The following ATP6V0A1 variants were observed in gnomAD, a reference collection of about 807,000 sequenced individuals.
ATP6V0A1 encodes the protein V-type proton ATPase 116 kDa subunit a 1.
In ATP6V0A1, 43 loss-of-function variants were observed where a neutral mutation model predicts 105.4. The ratio of observed to expected loss-of-function variants is 0.41; its 90% confidence interval spans 0.32 to 0.53. The LOEUF (loss-of-function observed/expected upper bound fraction) is 0.53. ATP6V0A1 is among the 20% of genes least tolerant of loss of function. The pLI is 0.30. For synonymous variants in ATP6V0A1, 362 were observed against 372.8 expected (o/e 0.97, Z 0.33); for missense variants, 676 against 1,051.1 (o/e 0.64, Z 4.93).
chr17:42,472,450 C>T lies in ATP6V0A1; in HGVS notation c.423+2232C>T, dbSNP rs187158504. 3.3e-3 allele frequency among the ~76,000 whole-genome samples: 502 copies of T among 151,850 alleles called. 2 individuals carry two copies. Among genetic ancestry groups the T allele is most frequent in the African/African-American group, 0.012 (483 of 41,408 alleles). On this transcript the variant is annotated intron_variant, in intron 5 of 21. Coordinates refer to ENST00000343619, the MANE Select transcript of ATP6V0A1 (RefSeq NM_001130021.3). ...TATTTTTTATTGTTTTTAGGCCGGG[C>T]GCGGTGGCTAACGCCTATAATCCCA... is the stretch of plus-strand genomic sequence containing the variant.
Position 42,477,819 on chromosome 17 carries a change from G to A in ATP6V0A1, c.506+77G>A, listed in dbSNP as rs2088949261. ...CTGTTCAGAAGAGCAGTGAGACTGG[G>A]GATTCACTTGCTACCAGGATATGCC... On this transcript the variant is annotated intron_variant, in intron 6 of 21. Transcript: ENST00000343619. 21 of 1,193,576 alleles carry A rather than the reference G, an allele frequency of 1.8e-5. No homozygotes were observed. The South Asian group carries it at 2.8e-4, about 16-fold the overall frequency. 73.9% of individuals were successfully genotyped at this position (1,193,576 alleles called of 1,614,324 possible).
Position 42,487,181 on chromosome 17 carries a change from C to T in ATP6V0A1, c.837C>T (p.Arg279=). Residue 279 remains arginine, a synonymous_variant, in exon 10 of 22, where the codon CGC becomes CGT. Coordinates refer to ENST00000343619, the MANE Select transcript of ATP6V0A1 (RefSeq NM_001130021.3). ...TTCTGAATCAAACGGAGGATCACCG[C>T]CAGAGGGTTCTGCAGGCAGCTGCTA... is the stretch of plus-strand genomic sequence containing the variant. The part of the protein sequence containing the change: ...QMVLNQTEDH[R]QRVLQAAAKN... 6.2e-7 allele frequency: 1 copy of T among 1,614,174 alleles called. No individual in the cohort carries two copies. Among genetic ancestry groups the T allele is most frequent in the Non-Finnish European group, 8.5e-7 (1 of 1,180,034 alleles).
At chr17:42,499,655 G>T (rs1409931098) in intron 15 of ATP6V0A1, among the ~76,000 whole-genome samples, 1 of 151,190 alleles carries the variant, frequency 6.6e-6, no homozygotes, top group Non-Finnish European at 1.5e-5. Flanking sequence ...GGGTGTGGTG[G>T]CGTGCACCTG....
chr17:42,508,314 T>C (rs2092151054), intron 18 of ATP6V0A1, among the ~76,000 whole-genome samples: 1 of 152,266 alleles, frequency 6.6e-6, no homozygotes, highest in Non-Finnish European at 1.5e-5. Context: ...TTTCAGTCTG[T>C]CTGACCACTT....
chr17:42,501,324 TAA>T lies in ATP6V0A1; in HGVS notation c.2004+23_2004+24del, dbSNP rs1211904574. ...CATTTGGTAGGTGTATTTCTATTGC[TAA>T]AAGTTACTAGACTTTTGTTTTGTTC... On this transcript the variant is annotated intron_variant, in intron 17 of 21. Transcript: ENST00000343619. The T allele has an allele frequency of 6.3e-7, 1 of 1,575,882 alleles. No homozygotes were observed. The highest frequency in any genetic ancestry group is 8.7e-7 in the Non-Finnish European group (1 of 1,148,382).
In ATP6V0A1 at chr17:42,507,702, ACTC is replaced by A. The variant is rs759428152; in HGVS notation, c.2112+77_2112+79del. 56 of 1,171,834 alleles carry A rather than the reference ACTC, an allele frequency of 4.8e-5. 1 individual carries two copies. The South Asian group carries it at 6.7e-4, about 14-fold the overall frequency. 72.6% of individuals were successfully genotyped at this position (1,171,834 alleles called of 1,614,324 possible). On this transcript the variant is annotated intron_variant, in intron 18 of 21. Coordinates refer to ENST00000343619, the MANE Select transcript of ATP6V0A1 (RefSeq NM_001130021.3). The stretch of plus-strand genomic sequence containing the variant: ...TAGTCTTGTGTACCTAAGAGGCCTC[ACTC>A]CAGTCTTCTCCTTGAAAAATAAAAA...
At chr17:42,520,455 T>C (rs1247770989) in intron 21 of ATP6V0A1, 2 of 456,522 alleles carry the variant, frequency 4.4e-6, no homozygotes, top group Non-Finnish European at 8.8e-6. Flanking sequence ...AAGAATTCTT[T>C]CTCAGATGTT....
chr17:42,483,803 A>G (rs2145886263), intron 9 of ATP6V0A1, among the ~76,000 whole-genome samples: 1 of 152,274 alleles, frequency 6.6e-6, no homozygotes, highest in Middle Eastern at 3.4e-3. Flanking sequence ...GCTGGTCTCA[A>G]ACGCCTGACC....
At chr17:42,506,657 G>A (rs897171676) in intron 17 of ATP6V0A1, among the ~76,000 whole-genome samples, 1 of 152,236 alleles carries the variant, frequency 6.6e-6, no homozygotes, top group African/African-American at 2.4e-5. Context: ...TGGCAGGTTA[G>A]CACTAATTGG....
At chr17:42,459,860 TC>T (rs2086202856) in intron 1 of ATP6V0A1, among the ~76,000 whole-genome samples, 1 of 152,212 alleles carries the variant, frequency 6.6e-6, no homozygotes, top group Non-Finnish European at 1.5e-5. Context: ...GAGTAAATCT[TC>T]CTTTGATGTC....
At chr17:42,469,516 G>A (rs537908476) in intron 4 of ATP6V0A1, among the ~76,000 whole-genome samples, 12 of 151,592 alleles carry the variant, frequency 7.9e-5, no homozygotes, top group Non-Finnish European at 1.5e-4. Context: ...TGTATTTTTA[G>A]TAGAGACGGG....
intron 17 of ATP6V0A1, among the ~76,000 whole-genome samples, chr17:42,505,036 CTT>C (rs1195871876): frequency 5.0e-5 from 7 of 140,802 alleles, no homozygotes; most frequent in Admixed American, 1.4e-4. Context: ...GTGATAATCA[CTT>C]TTTTTTTTTT....
In ATP6V0A1 at chr17:42,494,449, C is replaced by T. The variant is rs2090966318; in HGVS notation, c.1290C>T (p.Ile430=). The change falls in exon 12 of 22, where the codon ATC becomes ATT. Residue 430 remains isoleucine (I), a synonymous_variant. Coordinates refer to ENST00000343619, the MANE Select transcript of ATP6V0A1 (RefSeq NM_001130021.3). ...AVWMVLRESR[I]LSQKNENEMF... is the part of the protein sequence containing the mutation. Reference sequence around the variant, plus strand: ...GGATGGTACTGAGGGAGAGCCGGATCCTTTCCCAGAAGAATGAGAATGAGG... The same window carrying T: ...GGATGGTACTGAGGGAGAGCCGGATTCTTTCCCAGAAGAATGAGAATGAGG... 1.9e-6 allele frequency: 3 copies of T among 1,613,076 alleles called. No individual in the cohort carries two copies. In the African/African-American group the frequency reaches 4.0e-5, roughly 22 times the overall value.
chr17:42,468,185 A>G, intron 4 of ATP6V0A1, 78 bp downstream of exon 4: 2 of 964,194 alleles, frequency 2.1e-6, no homozygotes, highest in South Asian at 1.7e-5. Flanking sequence ...GATAGAGAGT[A>G]AAGTAATTCT....
chr17:42,507,466 A>G, intron 17 of ATP6V0A1, 54 bp from the exon 18 acceptor site: 1 of 1,332,968 alleles, frequency 7.5e-7, no homozygotes, highest in South Asian at 1.3e-5. Flanking sequence ...CCCACCTCAC[A>G]GAATGTCATG....
intron 2 of ATP6V0A1, among the ~76,000 whole-genome samples, chr17:42,465,056 G>A (rs942211479): frequency 7.9e-5 from 12 of 152,010 alleles, no homozygotes; most frequent in East Asian, 1.9e-4. Flanking sequence ...GCAATGGCAC[G>A]ATCTTGGCTC....
chr17:42,499,851 G>C (rs566868720), intron 15 of ATP6V0A1, among the ~76,000 whole-genome samples: 3 of 151,706 alleles, frequency 2.0e-5, no homozygotes, highest in Non-Finnish European at 4.4e-5. Flanking sequence ...ACAATTTACT[G>C]TTCCAGTAAA....
At chr17:42,517,197 T>C (rs555050078) in intron 21 of ATP6V0A1, among the ~76,000 whole-genome samples, 13 of 152,182 alleles carry the variant, frequency 8.5e-5, no homozygotes, top group East Asian at 7.7e-4. Context: ...AGAGAATCGC[T>C]TGAACCCAGG....
chr17:42,500,769 C>A lies in ATP6V0A1; in HGVS notation c.1742C>A (p.Ser581Tyr). Residue 581 changes from serine (S) to tyrosine (Y), a missense_variant, in exon 16 of 22, where the codon TCT becomes TAT. This residue lies in a region of ATP6V0A1 where 435 missense variants were observed against 642.2 expected (regional missense o/e 0.68). Coordinates refer to ENST00000343619, the MANE Select transcript of ATP6V0A1 (RefSeq NM_001130021.3). ...GFIPEIIFMT[S>Y]LFGYLVILIF... ...ATTCCTGAAATAATCTTCATGACCT[C>A]TTTGTTTGGCTATTTGGTTATCCTT... 2 of 1,614,040 alleles carry A rather than the reference C, an allele frequency of 1.2e-6. No individual in the cohort carries two copies. The highest frequency in any genetic ancestry group is 1.7e-6 in the Non-Finnish European group (2 of 1,179,920).
Sources: allele counts gnomAD v4.1 joint callset (sites outside exome capture counted in the v4.1 genomes callset), GRCh38; gene constraint gnomAD v4.1.1; regional missense constraint gnomAD v4.1.1; transcripts MANE v1.5; gene names NCBI Gene and HGNC (gene_info 2026-07-23, HGNC 2026-07-21).